TRIM37: variants seen among roughly 807,000 people sequenced by gnomAD.
TRIM37 encodes E3 ubiquitin-protein ligase TRIM37.
A neutral mutation model predicts 129.8 loss-of-function variants in TRIM37; 80 were observed. The ratio of observed to expected loss-of-function variants is 0.62; its 90% CI spans 0.51 to 0.74. TRIM37 has a LOEUF of 0.74. Among genes scored for constraint, TRIM37 ranks in the 30% least tolerant of loss-of-function variants. The probability of loss-of-function intolerance (pLI) is 0.00; values close to 1 mark genes in which losing one functional copy is unlikely to be tolerated. For synonymous variants in TRIM37, 389 were observed against 387.1 expected (o/e 1.00, Z -0.06); for missense variants, 1,054 against 1,176.5 (o/e 0.90, Z 1.52).
the TRIM37 span, among the ~76,000 whole-genome samples, chr17:58,970,912 T>C: frequency 1.3e-5 from 2 of 152,136 alleles, no homozygotes; most frequent in African/African-American, 4.8e-5. Context: ...ATTCACTCTG[T>C]CTTCTTCATC....
chr17:58,983,214 C>G, intron 24 of TRIM37: 1 of 291,598 alleles, frequency 3.4e-6, no homozygotes, highest in Non-Finnish European at 6.4e-6. Context: ...CATTAGCTCT[C>G]TACAAAATAA....
rs549422738 is a variant in TRIM37 at position 59,092,101 on chromosome 17, A to G, written c.124-761T>C. ...CAGCACAACTTTTAAGTCTTAAAAC[A>G]GTTTCACAGGGCTGGGCACGGTGTC... On this transcript the variant is annotated intron_variant, in intron 2 of 23. Coordinates refer to ENST00000262294, the MANE Select transcript of TRIM37 (RefSeq NM_015294.6). 1.8e-4 allele frequency among the ~76,000 whole-genome samples: 27 copies of G among 152,174 alleles called. No individual in the cohort carries two copies. In the South Asian group the frequency reaches 5.6e-3, roughly 32 times the overall value.
chr17:59,004,814 G>A (rs2034256850), intron 22 of TRIM37, among the ~76,000 whole-genome samples: 1 of 152,134 alleles, frequency 6.6e-6, no homozygotes, highest in Admixed American at 6.5e-5. Flanking sequence ...GGCAACTGTG[G>A]CCCCACATGG....
Position 59,007,227 on chromosome 17 carries a change from C to A in TRIM37, c.2695+5101G>T, listed in dbSNP as rs867202610. Among the ~76,000 whole-genome samples the A allele has an allele frequency of 2.5e-3, 175 of 69,640 alleles. 6 individuals carry two copies. The highest frequency in any genetic ancestry group is 6.1e-3 in the Middle Eastern group (1 of 164). 45.7% of individuals were successfully genotyped at this position (69,640 alleles called of 152,430 possible). A position where few individuals can be genotyped will look rare whatever the true frequency, so the allele number is the denominator to read the frequency against. On this transcript the variant is annotated intron_variant, in intron 22 of 23. Transcript: ENST00000262294. The stretch of plus-strand genomic sequence containing the variant: ...CACACTAAAACCACCCCACCCCCAC[C>A]CACCCACACACACACACACGTTCCT...
chr17:59,032,681 G>A (rs996116768), intron 17 of TRIM37, among the ~76,000 whole-genome samples: 2 of 152,056 alleles, frequency 1.3e-5, no homozygotes, highest in Middle Eastern at 3.2e-3. Flanking sequence ...CAATGTGTAC[G>A]ATGTGCACAA....
chr17:58,983,102 GA>G, intron 24 of TRIM37: 22 of 560,808 alleles, frequency 3.9e-5, no homozygotes, highest in South Asian at 5.0e-5. Context: ...TCTCAGTGGG[GA>G]AAAAAATGGC....
Position 58,999,182 on chromosome 17 carries a change from T to C in TRIM37, c.*195A>G, listed in dbSNP as rs2033349231. ...ACATTACAAAGAACTCTTCCCATAC[T>C]GTTTTTCCCATGTACTACTGCTGTC... is the stretch of plus-strand genomic sequence containing the variant. On this transcript the variant is annotated 3_prime_UTR_variant, in exon 24 of 24. Transcript: ENST00000262294. The C allele has an allele frequency of 7.0e-7, 1 of 1,431,582 alleles. No individual in the cohort carries two copies. Among genetic ancestry groups the C allele is most frequent in the Non-Finnish European group, 9.1e-7 (1 of 1,096,668 alleles). The allele number at this position is 1,431,582 out of a possible 1,614,324, so 88.7% of individuals were successfully genotyped here. A position where few individuals can be genotyped will look rare whatever the true frequency, so the allele number is the denominator to read the frequency against.
At chr17:59,099,264 T>C (rs1193175955) in intron 2 of TRIM37, among the ~76,000 whole-genome samples, 1 of 152,160 alleles carries the variant, frequency 6.6e-6, no homozygotes, top group East Asian at 1.9e-4. Context: ...CGGTAAATGA[T>C]GGACCGCATA....
chr17:59,096,905 C>T (rs1279341872), intron 2 of TRIM37, among the ~76,000 whole-genome samples: 1 of 152,072 alleles, frequency 6.6e-6, no homozygotes, highest in Non-Finnish European at 1.5e-5. Context: ...ACTAATTCAA[C>T]AGACTATTTA....
chr17:58,992,251 A>C (rs1272684682), intron 24 of TRIM37, among the ~76,000 whole-genome samples: 2 of 145,556 alleles, frequency 1.4e-5, no homozygotes, highest in African/African-American at 5.0e-5. Context: ...ACACTGATAT[A>C]TATATATATA....
chr17:59,104,175 C>T, intron 2 of TRIM37, 118 bp downstream of exon 2: 1 of 865,746 alleles, frequency 1.2e-6, no homozygotes, highest in Non-Finnish European at 1.9e-6. Flanking sequence ...CAACCCCAAG[C>T]ACAGTGCAAG....
At position 59,083,873 on chromosome 17, in the gene TRIM37, C is replaced by T. The variant is rs569423407; in HGVS notation, c.369+129G>A. ...TAAAAGTACAATACCTTTAATAAAG[C>T]GTATAGAAAGCAGATGCATTTTAAC... is the stretch of plus-strand genomic sequence containing the variant. On this transcript the variant is annotated intron_variant, in intron 5 of 23. Coordinates refer to ENST00000262294, the MANE Select transcript of TRIM37 (RefSeq NM_015294.6). 1.3e-4 allele frequency: 96 copies of T among 762,650 alleles called. 2 individuals are homozygous for T. The South Asian group carries it at 1.3e-3, about 11-fold the overall frequency. 47.2% of individuals were successfully genotyped at this position (762,650 alleles called of 1,614,324 possible).
In TRIM37 at chr17:59,057,064, A is replaced by C; in HGVS notation, c.1020-10T>G. ...TACACGATATTCATATCTAAAATTG[A>C]AAAACAGACCATTACTATACAGTTA... On this transcript the variant is annotated splice_polypyrimidine_tract_variant and intron_variant, in intron 12 of 23. Transcript: ENST00000262294. The C allele has an allele frequency of 6.2e-7, 1 of 1,612,274 alleles. No homozygotes were observed. Among genetic ancestry groups the C allele is most frequent in the Non-Finnish European group, 8.5e-7 (1 of 1,178,612 alleles).
intron 2 of TRIM37, among the ~76,000 whole-genome samples, chr17:59,092,557 T>C (rs1195531809): frequency 6.6e-6 from 1 of 152,076 alleles, no homozygotes; most frequent in Non-Finnish European, 1.5e-5. Context: ...AGAGCAATGT[T>C]ATACCACATA....
intron 5 of TRIM37, among the ~76,000 whole-genome samples, 181 bp from the exon 6 acceptor site, chr17:59,081,400 G>C (rs541313027): frequency 6.6e-6 from 1 of 152,184 alleles, no homozygotes; most frequent in Non-Finnish European, 1.5e-5. Flanking sequence ...GTCCAAGTAG[G>C]AACTCTTTCA....
chr17:59,032,090 C>G lies in TRIM37; in HGVS notation c.1754G>C (p.Gly585Ala). 1.2e-6 allele frequency: 2 copies of G among 1,613,574 alleles called. No individual in the cohort carries two copies. Among genetic ancestry groups the G allele is most frequent in the South Asian group, 2.2e-5 (2 of 91,044 alleles). ...MEDAAAAGPAGSSHGYVGSSS... is the reference protein window; with the variant it reads ...MEDAAAAGPAASSHGYVGSSS... The stretch of plus-strand genomic sequence containing the variant: ...GGAACCCACATAACCATGGCTACTA[C>G]CTGCAAAAGAGGCGTAGAAAATGAT... Residue 585 changes from glycine (G) to alanine (A), a missense_variant and splice_region_variant, in exon 18 of 24, where the codon GGT (glycine) becomes GCT (alanine). Physicochemically the swap from Gly to Ala is moderately conservative, Grantham distance 60. Coordinates refer to ENST00000262294, the MANE Select transcript of TRIM37 (RefSeq NM_015294.6).
chr17:59,098,755 G>A (rs1272302391), intron 2 of TRIM37, among the ~76,000 whole-genome samples: 1 of 148,774 alleles, frequency 6.7e-6, no homozygotes, highest in Non-Finnish European at 1.5e-5. Flanking sequence ...ATATGACCCA[G>A]CAATTTCACT....
intron 16 of TRIM37, among the ~76,000 whole-genome samples, chr17:59,042,442 AAAAAAAAATATAT>A (rs1203165481): frequency 3.5e-3 from 167 of 47,314 alleles, no homozygotes; most frequent in South Asian, 0.021. Context: ...AAAAAAAAAA[AAAAAAAAATATAT>A]ATATATATAT....
intron 16 of TRIM37, among the ~76,000 whole-genome samples, chr17:59,046,484 C>G (rs1160209776): frequency 6.6e-6 from 1 of 151,844 alleles, no homozygotes; most frequent in Non-Finnish European, 1.5e-5. Context: ...AACTGAGGGA[C>G]TTTCTACAAA....
Sources: gnomAD v4.1 joint callset for allele counts (sites outside exome capture counted in the v4.1 genomes callset) on GRCh38, gnomAD v4.1.1 for gene constraint, MANE v1.5 for transcripts, NCBI Gene and HGNC (gene_info 2026-07-23, HGNC 2026-07-21) for gene names.